Variants in NOXRED1 observed in about 807,000 individuals in gnomAD.
NOXRED1 encodes NADP dependent oxidoreductase domain containing 1.
A neutral mutation model predicts 30.4 loss-of-function variants in NOXRED1; 20 were observed. The observed-to-expected ratio is 0.66, with a 90% confidence interval of 0.46 to 0.96. NOXRED1 has a LOEUF of 0.96. Among genes scored for constraint, NOXRED1 ranks in the 40% least tolerant of loss-of-function variants. The pLI is 0.00. For synonymous variants in NOXRED1, 155 were observed against 168.0 expected (o/e 0.92, Z 0.60); for missense variants, 374 against 428.0 (o/e 0.87, Z 1.11).
chr14:77,400,255 C>G (rs1401398331), intron 5 of NOXRED1, among the ~76,000 whole-genome samples: 1 of 152,128 alleles, frequency 6.6e-6, no homozygotes, highest in Non-Finnish European at 1.5e-5. Context: ...AAACACGGAT[C>G]TACATAAAGA....
chr14:77,413,027 T>C (rs1034999771), intron 2 of NOXRED1, among the ~76,000 whole-genome samples: 6 of 152,148 alleles, frequency 3.9e-5, no homozygotes, highest in African/African-American at 1.2e-4. Context: ...ATTATTGAAG[T>C]ATAATTTACA....
chr14:77,425,094 T>C (rs2139710929), upstream of NOXRED1, among the ~76,000 whole-genome samples: 1 of 152,320 alleles, frequency 6.6e-6, no homozygotes, highest in East Asian at 1.9e-4. Flanking sequence ...TCATCAAGGT[T>C]TGAGGCTGTG....
At chr14:77,416,664 C>T (rs902913828) in intron 1 of NOXRED1, among the ~76,000 whole-genome samples, 42 of 152,266 alleles carry the variant, frequency 2.8e-4, no homozygotes, top group African/African-American at 9.9e-4. Flanking sequence ...TCCCCCCTTT[C>T]TATTCCACAA....
At chr14:77,420,749 A>G (rs921996287) in intron 1 of NOXRED1, among the ~76,000 whole-genome samples, 8 of 152,152 alleles carry the variant, frequency 5.3e-5, no homozygotes, top group Non-Finnish European at 7.4e-5. Context: ...AAAAACAGTC[A>G]GGCCTCTCCC....
At chr14:77,401,621 G>A (rs905677919) in intron 5 of NOXRED1, among the ~76,000 whole-genome samples, 1 of 152,196 alleles carries the variant, frequency 6.6e-6, no homozygotes, top group Non-Finnish European at 1.5e-5. Context: ...TGGGAGGATT[G>A]CTTGAGCCCA....
At chr14:77,411,735 G>T (rs1376679819) in intron 2 of NOXRED1, among the ~76,000 whole-genome samples, 2 of 152,140 alleles carry the variant, frequency 1.3e-5, no homozygotes, top group East Asian at 3.8e-4. Context: ...TGGTTTCACA[G>T]TTGTATACGT....
At chr14:77,403,357 A>G (rs570258184) in intron 5 of NOXRED1, among the ~76,000 whole-genome samples, 39 of 152,370 alleles carry the variant, frequency 2.6e-4, no homozygotes, top group East Asian at 1.2e-3. Flanking sequence ...CCATATGCCT[A>G]TCACTCAGAT....
chr14:77,419,302 A>C (rs1894920357), intron 1 of NOXRED1, among the ~76,000 whole-genome samples: 1 of 150,866 alleles, frequency 6.6e-6, no homozygotes, highest in Non-Finnish European at 1.5e-5. Flanking sequence ...TGAACTCCTG[A>C]CCTCAGGAGA....
intron 1 of NOXRED1, among the ~76,000 whole-genome samples, chr14:77,416,322 T>C (rs2139695361): frequency 6.6e-6 from 1 of 152,346 alleles, no homozygotes; most frequent in Admixed American, 6.5e-5. Flanking sequence ...CAAAGGTCTC[T>C]GGTTTTCCTA....
chr14:77,406,449 G>A lies in NOXRED1; in HGVS notation c.682+275C>T, dbSNP rs77336941. ...GGGAAAACTACAAGATTAGAACAGG[G>A]AAAAGCCATTTTAGTCCAACATTAC... On this transcript the variant is annotated intron_variant, in intron 4 of 5. Transcript: ENST00000380835. The A allele has an allele frequency of 6.7e-3, 3,968 of 595,926 alleles. 120 individuals are homozygous for A. Among genetic ancestry groups the A allele is most frequent in the African/African-American group, 0.065 (3,522 of 53,830 alleles). The allele number at this position is 595,926 out of a possible 1,614,324, so 36.9% of individuals were successfully genotyped here.
At chr14:77,425,750 A>G (rs746821310), upstream of NOXRED1, among the ~76,000 whole-genome samples, 4 of 152,264 alleles carry the variant, frequency 2.6e-5, no homozygotes, top group Non-Finnish European at 5.9e-5. Context: ...ACTGGATGCC[A>G]GTAGCACGCC....
chr14:77,400,982 T>C (rs1894313233), intron 5 of NOXRED1, among the ~76,000 whole-genome samples: 1 of 152,236 alleles, frequency 6.6e-6, no homozygotes, highest in African/African-American at 2.4e-5. Flanking sequence ...GACTCAATAC[T>C]ATAAAGATGC....
chr14:77,407,393 G>T, intron 3 of NOXRED1, 72 bp downstream of exon 3: 1 of 1,085,026 alleles, frequency 9.2e-7, no homozygotes, highest in Admixed American at 1.8e-5. Flanking sequence ...CTACAGTGGA[G>T]GTGGGAGGCA....
At chr14:77,411,964 G>A (rs529445434) in intron 2 of NOXRED1, among the ~76,000 whole-genome samples, 2 of 151,974 alleles carry the variant, frequency 1.3e-5, no homozygotes, top group African/African-American at 2.4e-5. Context: ...GTGTGGTGGC[G>A]TATGCCTGTA....
At chr14:77,404,053 A>G (rs1243062008) in intron 5 of NOXRED1, among the ~76,000 whole-genome samples, 2 of 152,234 alleles carry the variant, frequency 1.3e-5, no homozygotes, top group African/African-American at 2.4e-5. Flanking sequence ...ATACCTGGCT[A>G]TGTTCTCAAT....
chr14:77,419,333 A>C (rs961097466), intron 1 of NOXRED1, among the ~76,000 whole-genome samples: 11 of 151,752 alleles, frequency 7.2e-5, no homozygotes, highest in Non-Finnish European at 1.2e-4. Context: ...TCGGCCTCCC[A>C]AAGTGCTGGG....
chr14:77,424,095 G>T (rs1324790551), upstream of NOXRED1, among the ~76,000 whole-genome samples: 2 of 152,176 alleles, frequency 1.3e-5, no homozygotes, highest in African/African-American at 4.8e-5. Context: ...GTGACCTTTT[G>T]TGTCTGGCTT....
chr14:77,408,048 A>G (rs1894530444), intron 2 of NOXRED1, among the ~76,000 whole-genome samples: 1 of 151,978 alleles, frequency 6.6e-6, no homozygotes, highest in South Asian at 2.1e-4. Context: ...TTGTATTTTT[A>G]GTAGAGACGG....
At chr14:77,416,870 C>G (rs868484550) in intron 1 of NOXRED1, among the ~76,000 whole-genome samples, 1 of 150,042 alleles carries the variant, frequency 6.7e-6, no homozygotes, top group Non-Finnish European at 1.5e-5. Flanking sequence ...GGCGGCTGGC[C>G]GGGCAGAGGG....
Sources: allele counts gnomAD v4.1 joint callset (sites outside exome capture counted in the v4.1 genomes callset), GRCh38; gene constraint gnomAD v4.1.1; transcripts MANE v1.5; gene names NCBI Gene and HGNC (gene_info 2026-07-23, HGNC 2026-07-21).